TMTC2: variants seen among roughly 807,000 people sequenced by gnomAD.
The protein encoded by TMTC2 is transmembrane O-mannosyltransferase targeting cadherins 2, also known as protein O-mannosyl-transferase TMTC2.
TMTC2 carries 43 observed loss-of-function variants against 82.4 expected under a neutral mutation model. That is an observed-to-expected ratio of 0.52 (90% CI 0.41 to 0.67). The LOEUF (loss-of-function observed/expected upper bound fraction) is 0.67, where lower values mean the gene tolerates loss of function less well. Ranked by LOEUF, TMTC2 falls within the 30% of genes least tolerant of loss-of-function variation. The probability of loss-of-function intolerance (pLI) is 0.00; values close to 1 mark genes in which losing one functional copy is unlikely to be tolerated. For missense variants in TMTC2, 919 were observed against 1,012.4 expected, an observed-to-expected ratio of 0.91 and a Z score of 1.25; for synonymous variants, 408 against 381.9, an observed-to-expected ratio of 1.07 and a Z score of -0.80.
rs139013391 is a variant in TMTC2 at position 83,020,341 on chromosome 12, A to G, written c.2071-10457A>G. Among the ~76,000 whole-genome samples the G allele has an allele frequency of 5.8e-4, 88 of 152,310 alleles. 2 individuals are homozygous for G. The highest frequency in any genetic ancestry group is 2.0e-3 in the African/African-American group (82 of 41,572). On this transcript the variant is annotated intron_variant, in intron 8 of 11. Transcript: ENST00000321196. ...TGAATACATTTAATGTATTGTGGAAATTTCATTGTTTTAATTAAAAGCAGA... is the reference window on the plus strand; with the variant it reads ...TGAATACATTTAATGTATTGTGGAAGTTTCATTGTTTTAATTAAAAGCAGA...
rs1302523170 is a variant in TMTC2 at position 83,132,225 on chromosome 12, A to G, written c.2347A>G (p.Met783Val). 3.1e-6 allele frequency: 5 copies of G among 1,608,216 alleles called. No individual in the cohort carries two copies. Among genetic ancestry groups the G allele is most frequent in the Non-Finnish European group, 4.2e-6 (5 of 1,178,006 alleles). ...CTTGTTGCAGTATCCGGCTGCTTTG[A>G]TGAACCTGGGAGCCATTCTGCACCT... ...RLRPNYPAAL[M>V]NLGAILHLNG... Residue 783 changes from methionine (M) to valine (V), a missense_variant, in exon 12 of 12, where the codon ATG becomes GTG. By Grantham distance (21) the Met-to-Val change is conservative (BLOSUM62 1). Coordinates refer to ENST00000321196, the MANE Select transcript of TMTC2 (RefSeq NM_152588.3).
chr12:83,078,337 G>T (rs558207502), intron 11 of TMTC2, among the ~76,000 whole-genome samples: 1 of 152,216 alleles, frequency 6.6e-6, no homozygotes, highest in South Asian at 2.1e-4. Context: ...TTCTTAGACT[G>T]GGTTGTTATA....
At chr12:82,752,514 C>T (rs764907141) in intron 1 of TMTC2, among the ~76,000 whole-genome samples, 1 of 151,868 alleles carries the variant, frequency 6.6e-6, no homozygotes, top group Non-Finnish European at 1.5e-5. Context: ...AACAAAGAAT[C>T]TTAGGGCTGG....
chr12:82,863,744 T>TA (rs958821993), intron 2 of TMTC2, among the ~76,000 whole-genome samples: 5 of 152,130 alleles, frequency 3.3e-5, no homozygotes, highest in Non-Finnish European at 5.9e-5. Context: ...AAATTATCAT[T>TA]AAAAAAATTC....
chr12:83,094,500 T>A (rs1233877579), intron 11 of TMTC2, among the ~76,000 whole-genome samples: 1 of 152,194 alleles, frequency 6.6e-6, no homozygotes, highest in African/African-American at 2.4e-5. Context: ...GGGGATCCTT[T>A]CGTGGTCAGA....
At chr12:82,862,780 T>C (rs1871613297) in intron 2 of TMTC2, among the ~76,000 whole-genome samples, 1 of 152,216 alleles carries the variant, frequency 6.6e-6, no homozygotes, top group East Asian at 1.9e-4. Flanking sequence ...ATGTGTTGCT[T>C]AACTTGATTC....
At chr12:82,693,797 G>T (rs1329365981) in intron 1 of TMTC2, among the ~76,000 whole-genome samples, 1 of 151,774 alleles carries the variant, frequency 6.6e-6, no homozygotes, top group East Asian at 1.9e-4. Context: ...GTGAAACCTC[G>T]TCTCTACTAA....
intron 10 of TMTC2, among the ~76,000 whole-genome samples, chr12:83,052,777 A>G (rs990056467): frequency 1.3e-5 from 2 of 152,144 alleles, no homozygotes; most frequent in Non-Finnish European, 2.9e-5. Context: ...TAGTTGCCTT[A>G]GTGCTAGAAA....
intron 8 of TMTC2, among the ~76,000 whole-genome samples, chr12:83,028,819 C>G (rs1239182470): frequency 2.0e-5 from 3 of 152,094 alleles, no homozygotes. Flanking sequence ...GCTAATTCTT[C>G]TTATTTTTAA....
At chr12:82,934,185 C>G (rs970549950) in intron 4 of TMTC2, among the ~76,000 whole-genome samples, 4 of 152,072 alleles carry the variant, frequency 2.6e-5, no homozygotes, top group East Asian at 3.9e-4. Context: ...ATATATGAAC[C>G]TAAGACATTC....
chr12:83,104,628 G>A lies in TMTC2; in HGVS notation c.2332-27582G>A, dbSNP rs145335737. Among the ~76,000 whole-genome samples the A allele has an allele frequency of 9.2e-3, 1,404 of 152,320 alleles. 12 individuals are homozygous for A. Among genetic ancestry groups the A allele is most frequent in the Non-Finnish European group, 0.016 (1,066 of 68,030 alleles). ...TCTCCCAAGGCTGCTCAGGGCAATG[G>A]AGTCCTGGGCAAGGCTCTTGAACCC... On this transcript the variant is annotated intron_variant, in intron 11 of 11. Transcript: ENST00000321196.
Position 82,946,371 on chromosome 12 carries a change from A to T in TMTC2, c.1598+15826A>T, listed in dbSNP as rs529949660. ...TACATATGTTTTCCTTAAATTCCTC[A>T]TGTGTGAAGGGTGTACATAGATTAC... On this transcript the variant is annotated intron_variant, in intron 4 of 11. Transcript: ENST00000321196. Among the ~76,000 whole-genome samples, 3 of 152,246 alleles carry T rather than the reference A, an allele frequency of 2.0e-5. No homozygotes were observed. In the South Asian group the frequency reaches 6.2e-4, roughly 32 times the overall value.
intron 1 of TMTC2, among the ~76,000 whole-genome samples, chr12:82,694,278 G>A (rs1872697928): frequency 6.7e-6 from 1 of 150,342 alleles, no homozygotes; most frequent in African/African-American, 2.4e-5. Context: ...AGATAGAGAG[G>A]TTTTGATTTA....
chr12:83,040,096 A>T (rs1881832472), intron 9 of TMTC2, among the ~76,000 whole-genome samples: 1 of 152,222 alleles, frequency 6.6e-6, no homozygotes, highest in Non-Finnish European at 1.5e-5. Context: ...TCAGTTCCTG[A>T]GTCCTGTGCA....
chr12:82,865,058 C>CAAAAAAAAAAAA (rs1373298523), intron 2 of TMTC2, among the ~76,000 whole-genome samples: 1 of 84,404 alleles, frequency 1.2e-5, no homozygotes, highest in African/African-American at 3.3e-5. Context: ...ACTAAAAATA[C>CAAAAAAAAAAAA]AAAAAAAAAA....
At chr12:83,008,236 TATCTTTC>T (rs1880293484) in intron 8 of TMTC2, among the ~76,000 whole-genome samples, 1 of 152,212 alleles carries the variant, frequency 6.6e-6, no homozygotes, top group African/African-American at 2.4e-5. Flanking sequence ...TCTGGTTTTG[TATCTTTC>T]ATTAATTTGG....
chr12:82,971,252 CTG>C (rs1307143624), intron 7 of TMTC2, among the ~76,000 whole-genome samples: 1 of 151,830 alleles, frequency 6.6e-6, no homozygotes, highest in Non-Finnish European at 1.5e-5. Flanking sequence ...CTTAGTCCTT[CTG>C]TGTTACCTAA....
chr12:82,885,605 A>G (rs1251928357), intron 2 of TMTC2, among the ~76,000 whole-genome samples: 1 of 151,386 alleles, frequency 6.6e-6, no homozygotes, highest in Non-Finnish European at 1.5e-5. Context: ...TTTGGCCTTG[A>G]GTGATTCCCC....
At chr12:83,005,218 AAAAAAAGGGG>A (rs1192306603) in intron 8 of TMTC2, among the ~76,000 whole-genome samples, 1 of 76,458 alleles carries the variant, frequency 1.3e-5, no homozygotes, top group Non-Finnish European at 3.2e-5. Flanking sequence ...AAAAAAAAAA[AAAAAAAGGGG>A]AGAGAGAGAA....
Sources: allele counts gnomAD v4.1 joint callset (sites outside exome capture counted in the v4.1 genomes callset), GRCh38; gene constraint gnomAD v4.1.1; transcripts MANE v1.5; gene names NCBI Gene and HGNC (gene_info 2026-07-23, HGNC 2026-07-21).